The following RGL3 variants were observed in gnomAD, a reference collection of about 807,000 sequenced individuals.
RGL3 encodes ral guanine nucleotide dissociation stimulator like 3, also known as ral guanine nucleotide dissociation stimulator-like 3.
In RGL3, 85 loss-of-function variants were observed where a neutral mutation model predicts 90.6. The ratio of observed to expected loss-of-function variants is 0.94; its 90% CI spans 0.79 to 1.12. The LOEUF is 1.12. Among genes scored for constraint, RGL3 ranks in the 50% most tolerant of loss-of-function variants. The probability of loss-of-function intolerance (pLI) is 0.00; values close to 1 mark genes in which losing one functional copy is unlikely to be tolerated. For synonymous variants in RGL3, 408 were observed against 385.5 expected, an observed-to-expected ratio of 1.06 and a Z score of -0.68; for missense variants, 1,034 against 939.2, an observed-to-expected ratio of 1.10 and a Z score of -1.32.
chr19:11,399,642 T>G lies in RGL3; in HGVS notation c.1746+213A>C, dbSNP rs530802370. ...GCAAGCAGTTACACAGGTCCAAATC[T>G]GAGCACGAGTCGGATTTATGAGTGA... On this transcript the variant is annotated intron_variant, in intron 16 of 18. Transcript: ENST00000380456. Among the ~76,000 whole-genome samples, 321 of 152,254 alleles carry G rather than the reference T, an allele frequency of 2.1e-3. 4 individuals carry two copies. Among genetic ancestry groups the G allele is most frequent in the Admixed American group, 3.1e-3 (47 of 15,280 alleles).
intron 13 of RGL3, among the ~76,000 whole-genome samples, chr19:11,400,591 C>A (rs1461850824): frequency 6.6e-6 from 1 of 151,772 alleles, no homozygotes; most frequent in Non-Finnish European, 1.5e-5. Context: ...GTGGCTCACG[C>A]CTGTAATCCT....
intron 14 of RGL3, 31 bp downstream of exon 14, chr19:11,400,171 T>A: frequency 6.4e-7 from 1 of 1,566,402 alleles, no homozygotes; most frequent in Non-Finnish European, 8.7e-7. Flanking sequence ...TCTGCCCACA[T>A]CACCGCCCCT....
intron 16 of RGL3, 70 bp downstream of exon 16, chr19:11,399,783 GCA>G: frequency 1.2e-6 from 1 of 853,996 alleles, no homozygotes. Flanking sequence ...ACATGTGCAT[GCA>G]CACACACGTG....
At chr19:11,415,522 C>A (rs550546478) in intron 5 of RGL3, among the ~76,000 whole-genome samples, 6 of 151,960 alleles carry the variant, frequency 3.9e-5, no homozygotes, top group Admixed American at 3.9e-4. Flanking sequence ...GTTGTCCAGG[C>A]GAGAGTGCAA....
Position 11,401,540 on chromosome 19 carries a change from C to T in RGL3, c.1484+471G>A, listed in dbSNP as rs549922359. 1.3e-4 allele frequency among the ~76,000 whole-genome samples: 19 copies of T among 151,782 alleles called. No homozygotes were observed. The South Asian group carries it at 2.7e-3, about 22-fold the overall frequency. On this transcript the variant is annotated intron_variant, in intron 13 of 18. Coordinates refer to ENST00000380456, the MANE Select transcript of RGL3 (RefSeq NM_001035223.4). ...CCTCCCAAGTAGCTGGGACTACAGG[C>T]GCCTGCCACTACACCTGGCTAATTT...
intron 5 of RGL3, among the ~76,000 whole-genome samples, chr19:11,412,542 G>A (rs1968891843): frequency 6.6e-6 from 1 of 151,976 alleles, no homozygotes; most frequent in South Asian, 2.1e-4. Context: ...GAGCATGGTG[G>A]TCATCTACTT....
intron 4 of RGL3, 188 bp downstream of exon 4, chr19:11,416,426 T>C (rs1279493931): frequency 2.9e-6 from 2 of 680,822 alleles, no homozygotes; most frequent in African/African-American, 3.6e-5. Flanking sequence ...CTCTAACTCC[T>C]GACCTCCAGT....
rs58827677 is a variant in RGL3, at chr19:11,414,215, TTATA to T, written c.637+1718_637+1721del. ...TATACCTTTATATATATATATACCT[TTATA>T]TATATATACCTTTATATATATATAT... On this transcript the variant is annotated intron_variant, in intron 5 of 18. Transcript: ENST00000380456. Among the ~76,000 whole-genome samples, 170 of 74,600 alleles carry T rather than the reference TTATA, an allele frequency of 2.3e-3. 5 individuals carry two copies. The highest frequency in any genetic ancestry group is 0.011 in the East Asian group (25 of 2,180). 48.9% of individuals were successfully genotyped at this position (74,600 alleles called of 152,430 possible).
chr19:11,416,888 C>T lies in RGL3; in HGVS notation c.319G>A (p.Ala107Thr). The T allele has an allele frequency of 6.2e-7, 1 of 1,614,040 alleles. No homozygotes were observed. Residue 107 changes from alanine to threonine, a missense_variant, in exon 3 of 19, where the codon GCC becomes ACC. Transcript: ENST00000380456. ...LATYRTFVPT[A>T]CLLGFLLPPM... is the part of the protein sequence containing the mutation. ...GGCAGCAGAAAGCCCAGCAGGCAGG[C>T]AGTGGGTACAAAGGTCCGGTAGGTG...
intron 10 of RGL3, 37 bp downstream of exon 10, chr19:11,402,613 G>C: frequency 6.2e-7 from 1 of 1,612,890 alleles, no homozygotes. Context: ...CTCCCTGAAG[G>C]TCCCACTTGT....
chr19:11,400,178 C>T, intron 14 of RGL3, 24 bp downstream of exon 14: 1 of 1,573,164 alleles, frequency 6.4e-7, no homozygotes, highest in Non-Finnish European at 8.6e-7. Context: ...ACATCACCGC[C>T]CCTACACACA....
At chr19:11,397,383 G>A in intron 17 of RGL3, 25 bp from the exon 18 acceptor site, 1 of 1,590,092 alleles carries the variant, frequency 6.3e-7, no homozygotes, top group Non-Finnish European at 8.6e-7. Flanking sequence ...CGGGAGGTGA[G>A]GTGAGGGCCC....
Position 11,406,465 on chromosome 19 carries a change from G to A in RGL3, c.950C>T (p.Ala317Val), listed in dbSNP as rs1188260353. The A allele has an allele frequency of 3.9e-6, 6 of 1,550,958 alleles. No individual in the cohort carries two copies. The Middle Eastern group carries it at 5.3e-4, about 137-fold the overall frequency. Residue 317 changes from alanine to valine, a missense_variant, in exon 7 of 19, where the codon GCC becomes GTC. Physicochemically the swap from Ala to Val is moderately conservative, Grantham distance 64. Transcript: ENST00000380456. Reference sequence around the variant, plus strand: ...CTCCAGCCGCTGCGCCCTCTGCGGGGCGGCCAAGCCCGGTGCTCCGAGCAC... The same window carrying A: ...CTCCAGCCGCTGCGCCCTCTGCGGGACGGCCAAGCCCGGTGCTCCGAGCAC... ...GSVLGAPGLAAPQRAQRLEKW... is the reference protein window; with the variant it reads ...GSVLGAPGLAVPQRAQRLEKW...
intron 2 of RGL3, 140 bp downstream of exon 2, chr19:11,418,531 A>T: frequency 1.7e-6 from 1 of 573,164 alleles, no homozygotes. Flanking sequence ...TCCCCTTTCT[A>T]CCTGGTCGCC....
At chr19:11,413,658 A>C (rs2144736706) in intron 5 of RGL3, among the ~76,000 whole-genome samples, 1 of 151,702 alleles carries the variant, frequency 6.6e-6, no homozygotes, top group East Asian at 1.9e-4. Flanking sequence ...CAGCCTGGGC[A>C]ACATGGCAAG....
At position 11,402,535 on chromosome 19, in the gene RGL3, G is replaced by T; in HGVS notation, c.1249C>A (p.Pro417Thr). The T allele has an allele frequency of 6.2e-7, 1 of 1,605,666 alleles. No individual in the cohort carries two copies. The highest frequency in any genetic ancestry group is 8.5e-7 in the Non-Finnish European group (1 of 1,177,572). ...NTPGSLPSKP[P>T]PGPVPYLGTF... Reference sequence around the variant, plus strand: ...CCAAGGTAGGGGACAGGGCCTGGGGGTGGTTTCTGCAGCCCCCAAAGCTCC... The same window carrying T: ...CCAAGGTAGGGGACAGGGCCTGGGGTTGGTTTCTGCAGCCCCCAAAGCTCC... Residue 417 changes from proline to threonine, a missense_variant, in exon 11 of 19, where the codon CCC (proline) becomes ACC (threonine). Coordinates refer to ENST00000380456, the MANE Select transcript of RGL3 (RefSeq NM_001035223.4).
At chr19:11,397,213 C>T in intron 18 of RGL3, 31 bp downstream of exon 18, 8 of 1,595,738 alleles carry the variant, frequency 5.0e-6, no homozygotes, top group Non-Finnish European at 6.9e-6. Flanking sequence ...CCGCTGCCCC[C>T]TATCCTGAGC....
At chr19:11,396,156 ATATTTT>A (rs1968567253) in intron 18 of RGL3, among the ~76,000 whole-genome samples, 2 of 51,348 alleles carry the variant, frequency 3.9e-5, no homozygotes, top group African/African-American at 1.9e-4. Flanking sequence ...ATATATATAT[ATATTTT>A]TTTTTTTTTT....
intron 2 of RGL3, among the ~76,000 whole-genome samples, chr19:11,417,467 C>A (rs965158073): frequency 1.4e-5 from 2 of 138,640 alleles, no homozygotes; most frequent in African/African-American, 2.8e-5. Context: ...GCCCCTAGCA[C>A]CACTTTTTTT....
Sources: allele counts gnomAD v4.1 joint callset (sites outside exome capture counted in the v4.1 genomes callset), GRCh38; gene constraint gnomAD v4.1.1; transcripts MANE v1.5; gene names NCBI Gene and HGNC (gene_info 2026-07-23, HGNC 2026-07-21).